The following TSHZ2 variants were observed in gnomAD, a reference collection of about 807,000 sequenced individuals.
TSHZ2 encodes the protein teashirt zinc finger homeobox 2, also known as teashirt homolog 2.
TSHZ2 carries 21 observed loss-of-function variants against 74.4 expected under a neutral mutation model. The ratio of observed to expected loss-of-function variants is 0.28; its 90% confidence interval spans 0.20 to 0.41. TSHZ2 has a LOEUF of 0.41. Among genes scored for constraint, TSHZ2 ranks in the 10% least tolerant of loss-of-function variants. TSHZ2 has a pLI of 1.00. For synonymous variants in TSHZ2, 540 were observed against 515.3 expected (o/e 1.05, Z -0.65); for missense variants, 1,244 against 1,293.5 (o/e 0.96, Z 0.59).
chr20:53,481,366 G>A (rs1179352204), intron 2 of TSHZ2, among the ~76,000 whole-genome samples: 1 of 152,104 alleles, frequency 6.6e-6, no homozygotes, highest in Admixed American at 6.6e-5. Context: ...GAGTTCAGGA[G>A]TTCAAGACTA....
intron 1 of TSHZ2, among the ~76,000 whole-genome samples, chr20:53,202,431 G>A (rs553045758): frequency 6.6e-6 from 1 of 152,262 alleles, no homozygotes; most frequent in East Asian, 1.9e-4. Flanking sequence ...CTGCAGTGTA[G>A]CTGTGTTGAT....
intron 2 of TSHZ2, among the ~76,000 whole-genome samples, chr20:53,303,085 G>C (rs1213396853): frequency 2.0e-5 from 3 of 152,162 alleles, no homozygotes; most frequent in Admixed American, 1.3e-4. Flanking sequence ...GCTGCATTTT[G>C]ATTAACCAAG....
At chr20:53,209,494 A>G (rs1394213206) in intron 1 of TSHZ2, among the ~76,000 whole-genome samples, 6 of 152,218 alleles carry the variant, frequency 3.9e-5, no homozygotes, top group Non-Finnish European at 8.8e-5. Flanking sequence ...GGGGCAATGA[A>G]ATCATGAAAG....
rs200731922 is a variant in TSHZ2 at position 53,144,605 on chromosome 20, G to GTAT, written c.41-108883_41-108881dup. ...CCCTACAACAGCCCTATATTATTAGGTATTATTATTATTCCACTGAGAAAA... is the reference window on the plus strand; with the variant it reads ...CCCTACAACAGCCCTATATTATTAGGTATTATTATTATTATTCCACTGAGAAAA... On this transcript the variant is annotated intron_variant, in intron 1 of 2. Coordinates refer to ENST00000371497, the MANE Select transcript of TSHZ2 (RefSeq NM_173485.6). Among the ~76,000 whole-genome samples the GTAT allele has an allele frequency of 1.3e-4, 20 of 152,148 alleles. No homozygotes were observed. The East Asian group carries it at 3.9e-3, about 29-fold the overall frequency.
chr20:52,997,425 A>C (rs748027424), intron 1 of TSHZ2, among the ~76,000 whole-genome samples: 11 of 152,212 alleles, frequency 7.2e-5, no homozygotes, highest in Non-Finnish European at 1.6e-4. Flanking sequence ...AAAGCATACC[A>C]GTCCCTTAAT....
intron 1 of TSHZ2, among the ~76,000 whole-genome samples, chr20:53,095,125 C>T (rs545531470): frequency 6.6e-6 from 1 of 152,298 alleles, no homozygotes; most frequent in African/African-American, 2.4e-5. Flanking sequence ...AAGCTGGCTT[C>T]AGGTACTGCT....
intron 2 of TSHZ2, among the ~76,000 whole-genome samples, chr20:53,286,210 C>T (rs934606352): frequency 1.3e-5 from 2 of 152,134 alleles, no homozygotes; most frequent in East Asian, 1.9e-4. Context: ...TGTTCCTAAG[C>T]GGAGTGAGCG....
At chr20:53,411,624 T>C (rs185873122) in intron 2 of TSHZ2, among the ~76,000 whole-genome samples, 27 of 151,302 alleles carry the variant, frequency 1.8e-4, no homozygotes, top group Admixed American at 1.8e-3. Context: ...AGGCCAGGAG[T>C]TTGAGACCAA....
intron 1 of TSHZ2, among the ~76,000 whole-genome samples, chr20:53,120,168 T>A (rs1986771116): frequency 6.6e-6 from 1 of 152,192 alleles, no homozygotes; most frequent in Non-Finnish European, 1.5e-5. Flanking sequence ...CTTCTCCACA[T>A]GGAATGAGCA....
At chr20:53,268,800 T>C (rs1990771211) in intron 2 of TSHZ2, among the ~76,000 whole-genome samples, 1 of 152,156 alleles carries the variant, frequency 6.6e-6, no homozygotes, top group Non-Finnish European at 1.5e-5. Context: ...TAAATTATAG[T>C]AGATGCTCAG....
intron 1 of TSHZ2, among the ~76,000 whole-genome samples, chr20:53,033,853 T>C (rs1374161667): frequency 2.0e-5 from 3 of 151,790 alleles, no homozygotes; most frequent in Non-Finnish European, 4.4e-5. Context: ...GGAGACAGGA[T>C]TTCACCACGT....
At chr20:53,159,970 CT>C (rs1372048534) in intron 1 of TSHZ2, among the ~76,000 whole-genome samples, 1 of 152,130 alleles carries the variant, frequency 6.6e-6, no homozygotes, top group East Asian at 1.9e-4. Context: ...TTGGAGGAGG[CT>C]TTCCTGAGGA....
intron 1 of TSHZ2, among the ~76,000 whole-genome samples, chr20:53,248,590 C>G (rs953638905): frequency 2.6e-5 from 4 of 152,130 alleles, no homozygotes; most frequent in African/African-American, 9.7e-5. Flanking sequence ...TTATAGTAGA[C>G]CAGCTAATGG....
At chr20:53,235,132 C>T (rs917690809) in intron 1 of TSHZ2, among the ~76,000 whole-genome samples, 1 of 7,736 alleles carries the variant, frequency 1.3e-4, no homozygotes, top group Non-Finnish European at 2.5e-4. Context: ...TTTTGTTGGG[C>T]GGGGCGGGGG....
At chr20:53,015,092 C>T (rs186721778) in intron 1 of TSHZ2, among the ~76,000 whole-genome samples, 59 of 152,276 alleles carry the variant, frequency 3.9e-4, no homozygotes, top group African/African-American at 1.4e-3. Flanking sequence ...CCCATTCTGT[C>T]CTCTCAGTTT....
chr20:53,051,656 G>A (rs918266893), intron 1 of TSHZ2, among the ~76,000 whole-genome samples: 1 of 152,106 alleles, frequency 6.6e-6, no homozygotes, highest in African/African-American at 2.4e-5. Context: ...TTGCCACCTG[G>A]CAAAAATCAT....
At chr20:53,364,565 G>A (rs539705642) in intron 2 of TSHZ2, among the ~76,000 whole-genome samples, 1 of 152,352 alleles carries the variant, frequency 6.6e-6, no homozygotes, top group East Asian at 1.9e-4. Context: ...TCTTCTTCTG[G>A]ATGCAAACTG....
intron 2 of TSHZ2, among the ~76,000 whole-genome samples, chr20:53,351,726 A>G (rs1389778105): frequency 6.6e-6 from 1 of 152,238 alleles, no homozygotes; most frequent in Non-Finnish European, 1.5e-5. Flanking sequence ...ATATCACACG[A>G]GTCTCATCCA....
At chr20:53,460,192 A>C (rs1005187034) in intron 2 of TSHZ2, among the ~76,000 whole-genome samples, 45 of 151,800 alleles carry the variant, frequency 3.0e-4, no homozygotes, top group South Asian at 1.3e-3. Flanking sequence ...TTTCAGGTAC[A>C]CCAATCAGAC....
Sources: gnomAD v4.1 joint callset for allele counts (sites outside exome capture counted in the v4.1 genomes callset) on GRCh38, gnomAD v4.1.1 for gene constraint, MANE v1.5 for transcripts, NCBI Gene and HGNC (gene_info 2026-07-23, HGNC 2026-07-21) for gene names.